FER: variants seen among roughly 807,000 people sequenced by gnomAD.
FER encodes the protein tyrosine-protein kinase Fer.
Under a neutral mutation model 111.0 loss-of-function variants are expected in FER, and 63 were observed. The ratio of observed to expected loss-of-function variants is 0.57; its 90% CI spans 0.46 to 0.70. FER has a LOEUF of 0.70. Among genes scored for constraint, FER ranks in the 30% least tolerant of loss-of-function variants. FER has a pLI of 0.00. For synonymous variants in FER, 327 were observed against 313.9 expected, an observed-to-expected ratio of 1.04 and a Z score of -0.44; for missense variants, 914 against 954.0, an observed-to-expected ratio of 0.96 and a Z score of 0.55.
intron 13 of FER, among the ~76,000 whole-genome samples, chr5:109,025,846 G>C (rs1158810483): frequency 6.6e-6 from 1 of 152,080 alleles, no homozygotes; most frequent in Non-Finnish European, 1.5e-5. Context: ...GTTGAATTTT[G>C]TCAAAGGCCT....
chr5:108,795,567 G>T (rs1275731642), intron 2 of FER, among the ~76,000 whole-genome samples: 1 of 151,310 alleles, frequency 6.6e-6, no homozygotes, highest in Non-Finnish European at 1.5e-5. Context: ...AATTGTTGTT[G>T]TTCCCTCTGA....
intron 10 of FER, among the ~76,000 whole-genome samples, chr5:108,940,126 C>T (rs554814809): frequency 6.6e-6 from 1 of 152,148 alleles, no homozygotes; most frequent in African/African-American, 2.4e-5. Context: ...ACTTTTGAGA[C>T]ATTTGGCCTT....
At chr5:109,000,481 ATC>A (rs1487362712) in intron 13 of FER, among the ~76,000 whole-genome samples, 2 of 152,174 alleles carry the variant, frequency 1.3e-5, no homozygotes, top group African/African-American at 2.4e-5. Flanking sequence ...ACATTCCAGA[ATC>A]TCTCGGACAC....
intron 2 of FER, among the ~76,000 whole-genome samples, chr5:108,772,772 G>A (rs989754188): frequency 3.9e-5 from 6 of 152,156 alleles, no homozygotes; most frequent in South Asian, 2.1e-4. Flanking sequence ...AATTCAAGGC[G>A]TTCCTCCTCC....
chr5:109,184,829 C>G (rs1758684074), intron 18 of FER, among the ~76,000 whole-genome samples: 1 of 152,150 alleles, frequency 6.6e-6, no homozygotes, highest in Admixed American at 6.5e-5. Context: ...AGCAGGCATA[C>G]TCTGGTTTTC....
intron 17 of FER, among the ~76,000 whole-genome samples, chr5:109,166,283 G>A (rs1756548295): frequency 6.6e-6 from 1 of 152,000 alleles, no homozygotes; most frequent in South Asian, 2.1e-4. Flanking sequence ...ATTTAGGTTT[G>A]TAACTCATAA....
At chr5:109,110,489 C>A (rs1408260179) in intron 17 of FER, among the ~76,000 whole-genome samples, 1 of 151,978 alleles carries the variant, frequency 6.6e-6, no homozygotes, top group Non-Finnish European at 1.5e-5. Context: ...CCAGCAAGGT[C>A]AGAAAATTAG....
At chr5:108,912,321 C>T (rs1048881665) in intron 10 of FER, among the ~76,000 whole-genome samples, 4 of 152,060 alleles carry the variant, frequency 2.6e-5, no homozygotes, top group Non-Finnish European at 4.4e-5. Context: ...CTTTAAGTGA[C>T]CTGCCTAAAG....
intron 13 of FER, among the ~76,000 whole-genome samples, chr5:108,961,846 AT>A (rs1159212631): frequency 6.6e-6 from 1 of 152,072 alleles, no homozygotes; most frequent in Non-Finnish European, 1.5e-5. Context: ...AACTGAATCT[AT>A]TTCTTGATTT....
chr5:109,169,090 T>C (rs1259094955), intron 17 of FER, among the ~76,000 whole-genome samples: 1 of 152,198 alleles, frequency 6.6e-6, no homozygotes, highest in Non-Finnish European at 1.5e-5. Flanking sequence ...ACAATGCAGA[T>C]TTTTTGTGGA....
At chr5:108,911,201 T>C (rs1751499575) in intron 10 of FER, among the ~76,000 whole-genome samples, 1 of 152,214 alleles carries the variant, frequency 6.6e-6, no homozygotes, top group Non-Finnish European at 1.5e-5. Flanking sequence ...TGGTTTTAAT[T>C]TGCATTTCTC....
chr5:109,117,497 T>A (rs1242192905), intron 17 of FER, among the ~76,000 whole-genome samples: 1 of 152,190 alleles, frequency 6.6e-6, no homozygotes, highest in Non-Finnish European at 1.5e-5. Flanking sequence ...TGCCTAAATT[T>A]TTATAATAAT....
chr5:109,025,130 A>G (rs578242637), intron 13 of FER, among the ~76,000 whole-genome samples: 33 of 152,046 alleles, frequency 2.2e-4, no homozygotes, highest in South Asian at 1.5e-3. Context: ...TATGAACTTT[A>G]AAGTAGTTTT....
chr5:108,877,183 A>T (rs889232248), intron 8 of FER, among the ~76,000 whole-genome samples: 1 of 152,060 alleles, frequency 6.6e-6, no homozygotes, highest in African/African-American at 2.4e-5. Flanking sequence ...CTTTTACCAA[A>T]TCTGTTTTTG....
intron 3 of FER, among the ~76,000 whole-genome samples, chr5:108,800,202 T>C (rs1468998238): frequency 2.6e-5 from 4 of 152,342 alleles, no homozygotes; most frequent in East Asian, 1.9e-4. Context: ...TTACCACTTA[T>C]CTGCTTTTCA....
chr5:109,151,430 T>TTA (rs1389745825), intron 17 of FER, among the ~76,000 whole-genome samples: 4 of 152,068 alleles, frequency 2.6e-5, no homozygotes, highest in African/African-American at 9.7e-5. Flanking sequence ...GCTACAGACA[T>TTA]ACATCTTTCA....
intron 13 of FER, among the ~76,000 whole-genome samples, chr5:108,983,137 G>C (rs1306084552): frequency 6.6e-6 from 1 of 151,954 alleles, no homozygotes; most frequent in Admixed American, 6.6e-5. Flanking sequence ...TAATCTTGAT[G>C]AGATGCTATG....
intron 3 of FER, among the ~76,000 whole-genome samples, chr5:108,829,625 T>C (rs952674110): frequency 2.6e-5 from 4 of 152,080 alleles, no homozygotes; most frequent in Non-Finnish European, 5.9e-5. Flanking sequence ...GGTGACAGGG[T>C]GAGACCCTGT....
intron 17 of FER, among the ~76,000 whole-genome samples, chr5:109,176,400 T>C (rs1314356935): frequency 2.6e-5 from 4 of 152,132 alleles, no homozygotes; most frequent in Non-Finnish European, 4.4e-5. Flanking sequence ...AAATACTGCG[T>C]GTTCTCACTC....
Sources: allele counts gnomAD v4.1 joint callset (sites outside exome capture counted in the v4.1 genomes callset), GRCh38; gene constraint gnomAD v4.1.1; transcripts MANE v1.5; gene names NCBI Gene and HGNC (gene_info 2026-07-23, HGNC 2026-07-21).